The following SYT1 variants were observed in gnomAD, a reference collection of about 807,000 sequenced individuals.
SYT1 encodes the protein synaptotagmin-1.
SYT1 carries 8 observed loss-of-function variants against 44.8 expected under a neutral mutation model. The ratio of observed to expected loss-of-function variants is 0.18; its 90% CI spans 0.10 to 0.32. The LOEUF is 0.32. Ranked by LOEUF, SYT1 falls within the 10% of genes least tolerant of loss-of-function variation. The pLI is 1.00. For missense variants in SYT1, 286 were observed against 509.3 expected (o/e 0.56, Z 4.22); for synonymous variants, 154 against 188.8 (o/e 0.82, Z 1.51).
At chr12:78,947,978 T>C (rs1441645959) in intron 1 of SYT1, among the ~76,000 whole-genome samples, 1 of 151,948 alleles carries the variant, frequency 6.6e-6, no homozygotes, top group Non-Finnish European at 1.5e-5. Flanking sequence ...GATTTCAAGT[T>C]CATTTTTTAG....
At position 78,922,056 on chromosome 12, in the gene SYT1, G is replaced by T. The variant is rs1414573124; in HGVS notation, c.-216-55743G>T. Among the ~76,000 whole-genome samples the T allele has an allele frequency of 5.9e-5, 9 of 151,776 alleles. No homozygotes were observed. In the South Asian group the frequency reaches 1.9e-3, roughly 32 times the overall value. ...AAAATATTTTATCTTGCATCAAAAAGTTACATCTAAATATTACTTCATAAA... is the reference window on the plus strand; with the variant it reads ...AAAATATTTTATCTTGCATCAAAAATTTACATCTAAATATTACTTCATAAA... On this transcript the variant is annotated intron_variant, in intron 1 of 10. Coordinates refer to ENST00000261205, the MANE Select transcript of SYT1 (RefSeq NM_005639.3).
chr12:79,436,098 G>T (rs1013059484), intron 9 of SYT1, among the ~76,000 whole-genome samples: 1 of 152,046 alleles, frequency 6.6e-6, no homozygotes, highest in African/African-American at 2.4e-5. Flanking sequence ...AAAAAATTAG[G>T]GAAAATGAAT....
At chr12:79,388,156 G>A (rs1884509401) in intron 9 of SYT1, among the ~76,000 whole-genome samples, 1 of 152,134 alleles carries the variant, frequency 6.6e-6, no homozygotes, top group Non-Finnish European at 1.5e-5. Context: ...CTACTGCATT[G>A]TACAAACATT....
chr12:79,352,737 C>T (rs75499347), intron 8 of SYT1, among the ~76,000 whole-genome samples: 2 of 152,172 alleles, frequency 1.3e-5, no homozygotes, highest in East Asian at 3.9e-4. Context: ...TCATTGTAAA[C>T]ACTTGATCAG....
At chr12:78,997,376 C>T (rs1446242439) in intron 2 of SYT1, among the ~76,000 whole-genome samples, 1 of 152,148 alleles carries the variant, frequency 6.6e-6, no homozygotes, top group Non-Finnish European at 1.5e-5. Context: ...TATAGGGAAA[C>T]TTATGTATCA....
intron 3 of SYT1, among the ~76,000 whole-genome samples, chr12:79,173,279 T>C (rs77323461): frequency 6.6e-6 from 1 of 152,162 alleles, no homozygotes; most frequent in Non-Finnish European, 1.5e-5. Context: ...AAGCTCACTA[T>C]GCATCTGATA....
chr12:78,959,592 GA>G (rs1008950987), intron 1 of SYT1, among the ~76,000 whole-genome samples: 3 of 152,076 alleles, frequency 2.0e-5, no homozygotes, highest in African/African-American at 7.2e-5. Flanking sequence ...TATTCTGTTG[GA>G]CAATTCTAGC....
At chr12:78,884,403 G>A (rs1592523464) in intron 1 of SYT1, among the ~76,000 whole-genome samples, 1 of 151,548 alleles carries the variant, frequency 6.6e-6, no homozygotes, top group Non-Finnish European at 1.5e-5. Context: ...AGCTAATTCA[G>A]TTTGATAATT....
intron 8 of SYT1, among the ~76,000 whole-genome samples, chr12:79,343,167 G>A (rs1033757100): frequency 5.9e-5 from 9 of 152,078 alleles, no homozygotes; most frequent in South Asian, 4.2e-4. Context: ...TTAATGGTTC[G>A]GTAATATGGA....
At chr12:79,412,529 A>T (rs930204257) in intron 9 of SYT1, among the ~76,000 whole-genome samples, 5 of 152,226 alleles carry the variant, frequency 3.3e-5, no homozygotes, top group Admixed American at 1.3e-4. Context: ...TTGCCTGACC[A>T]TCATCTGATG....
intron 9 of SYT1, among the ~76,000 whole-genome samples, chr12:79,416,624 G>A (rs992443736): frequency 1.1e-4 from 16 of 152,176 alleles, no homozygotes; most frequent in South Asian, 2.1e-4. Flanking sequence ...ATACACTAAG[G>A]CTTCTCATAC....
intron 8 of SYT1, among the ~76,000 whole-genome samples, chr12:79,299,842 C>T (rs964141233): frequency 6.6e-6 from 1 of 152,080 alleles, no homozygotes; most frequent in Non-Finnish European, 1.5e-5. Context: ...TACAAAAGGC[C>T]ACACACACTC....
At chr12:78,905,272 G>A (rs1175920916) in intron 1 of SYT1, among the ~76,000 whole-genome samples, 4 of 152,122 alleles carry the variant, frequency 2.6e-5, no homozygotes, top group Non-Finnish European at 1.5e-5. Context: ...CAGAAATCCC[G>A]CGGGGGGCGG....
At chr12:78,990,203 G>A (rs1869924195) in intron 2 of SYT1, among the ~76,000 whole-genome samples, 1 of 152,038 alleles carries the variant, frequency 6.6e-6, no homozygotes, top group African/African-American at 2.4e-5. Context: ...TCTGTGAGAG[G>A]GCTTAATGGG....
chr12:79,106,049 G>T (rs1321222092), intron 3 of SYT1, among the ~76,000 whole-genome samples: 1 of 152,092 alleles, frequency 6.6e-6, no homozygotes, highest in Non-Finnish European at 1.5e-5. Context: ...ACAGACGGTG[G>T]GGAAGGAACC....
intron 1 of SYT1, among the ~76,000 whole-genome samples, chr12:78,954,889 T>C (rs1388119197): frequency 6.6e-6 from 1 of 152,130 alleles, no homozygotes; most frequent in Non-Finnish European, 1.5e-5. Flanking sequence ...ATTTTTGAGC[T>C]TGTGATTATC....
At chr12:78,866,538 T>C (rs769903423) in intron 1 of SYT1, among the ~76,000 whole-genome samples, 19 of 152,240 alleles carry the variant, frequency 1.2e-4, no homozygotes, top group Non-Finnish European at 5.9e-5. Context: ...ACAGAGCCTT[T>C]ACAGCAGCTT....
At chr12:79,283,045 T>G (rs1157500248) in intron 4 of SYT1, among the ~76,000 whole-genome samples, 1 of 152,164 alleles carries the variant, frequency 6.6e-6, no homozygotes, top group Non-Finnish European at 1.5e-5. Context: ...TCTACACAAT[T>G]AAATAAAATT....
At chr12:79,107,336 T>G (rs893120807) in intron 3 of SYT1, among the ~76,000 whole-genome samples, 1 of 151,890 alleles carries the variant, frequency 6.6e-6, no homozygotes, top group African/African-American at 2.4e-5. Flanking sequence ...CTATTATTGT[T>G]CCTGATGATT....
Sources: allele counts gnomAD v4.1 joint callset (sites outside exome capture counted in the v4.1 genomes callset), GRCh38; gene constraint gnomAD v4.1.1; transcripts MANE v1.5; gene names NCBI Gene and HGNC (gene_info 2026-07-23, HGNC 2026-07-21).